CCND2: variants seen among roughly 807,000 people sequenced by gnomAD.
CCND2 encodes the protein G1/S-specific cyclin-D2.
Under a neutral mutation model 30.2 loss-of-function variants are expected in CCND2, and 6 were observed. The observed-to-expected ratio is 0.20, with a 90% CI of 0.11 to 0.39. The LOEUF (loss-of-function observed/expected upper bound fraction) is 0.39. CCND2 is among the 10% of genes least tolerant of loss of function. The pLI is 1.00. For missense variants in CCND2, 235 were observed against 373.4 expected, an observed-to-expected ratio of 0.63 and a Z score of 3.06; for synonymous variants, 150 against 153.1, an observed-to-expected ratio of 0.98 and a Z score of 0.15.
intron 4 of CCND2, among the ~76,000 whole-genome samples, chr12:4,294,539 T>G (rs552119784): frequency 2.0e-5 from 3 of 152,202 alleles, no homozygotes; most frequent in Non-Finnish European, 4.4e-5. Flanking sequence ...TTCCAGCCAC[T>G]TGGGCTCTGT....
In CCND2 at chr12:4,273,862, C is replaced by T; in HGVS notation, c.-179C>T. On this transcript the variant is annotated 5_prime_UTR_variant, in exon 1 of 5. Coordinates refer to ENST00000261254, the MANE Select transcript of CCND2 (RefSeq NM_001759.4). The surrounding 1 kb of genome is among the most constrained non-coding windows in gnomAD (Gnocchi z 5.9). ...GGCTCTGCTCGCCCACCACCCAATC[C>T]TCGCCTCCCTTCTGCTCCACCTTCT... 1 of 645,580 alleles carries T rather than the reference C, an allele frequency of 1.5e-6. No individual in the cohort carries two copies. Among genetic ancestry groups the T allele is most frequent in the Non-Finnish European group, 2.6e-6 (1 of 378,122 alleles). The allele number at this position is 645,580 out of a possible 1,614,324, so 40.0% of individuals were successfully genotyped here. A position where few individuals can be genotyped will look rare whatever the true frequency, so the allele number is the denominator to read the frequency against.
chr12:4,298,186 C>T (rs1864200543), intron 4 of CCND2, among the ~76,000 whole-genome samples: 1 of 152,180 alleles, frequency 6.6e-6, no homozygotes, highest in African/African-American at 2.4e-5. Flanking sequence ...AACTTAGGTG[C>T]CACCTGCAAG....
At chr12:4,284,810 A>T (rs1045661333) in intron 3 of CCND2, among the ~76,000 whole-genome samples, 2 of 143,396 alleles carry the variant, frequency 1.4e-5, no homozygotes, top group East Asian at 4.1e-4. Context: ...ATCTCTGCTC[A>T]CTGCAACCTC....
chr12:4,302,006 T>A lies in CCND2; in HGVS notation c.*1997T>A, dbSNP rs1173167989. 4.4e-6 allele frequency: 1 copy of A among 226,538 alleles called. No homozygotes were observed. 14.0% of individuals were successfully genotyped at this position (226,538 alleles called of 1,614,324 possible). A position where few individuals can be genotyped will look rare whatever the true frequency, so the allele number is the denominator to read the frequency against. On this transcript the variant is annotated 3_prime_UTR_variant, in exon 5 of 5. Coordinates refer to ENST00000261254, the MANE Select transcript of CCND2 (RefSeq NM_001759.4). ...GGAGTATTCTTTACCTCAGGTTTACTGGACAAAATCAATAACTACAAAAGG... is the reference window on the plus strand; with the variant it reads ...GGAGTATTCTTTACCTCAGGTTTACAGGACAAAATCAATAACTACAAAAGG...
chr12:4,283,767 C>T (rs916988487), intron 3 of CCND2, among the ~76,000 whole-genome samples: 5 of 152,182 alleles, frequency 3.3e-5, no homozygotes, highest in Admixed American at 6.5e-5. Context: ...ATCTGGGCAT[C>T]GTTCCTTGGC....
chr12:4,284,752 T>TA (rs1863999602), intron 3 of CCND2, among the ~76,000 whole-genome samples: 1 of 151,166 alleles, frequency 6.6e-6, no homozygotes. Context: ...TTCTTTTTTT[T>TA]TTTTGAGACA....
Position 4,287,090 on chromosome 12 carries a change from A to C in CCND2, c.572-1752A>C, listed in dbSNP as rs1320384708. On this transcript the variant is annotated intron_variant, in intron 3 of 4. Transcript: ENST00000261254. The surrounding 1 kb of genome is among the most constrained non-coding windows in gnomAD (Gnocchi z 4.0). ...GCTTTGTCACACTGTTCATGGCGAC[A>C]GAGAAGGCGTAGGAGGGGCGGGTGG... Among the ~76,000 whole-genome samples the C allele has an allele frequency of 6.6e-6, 1 of 152,234 alleles. No homozygotes were observed. The highest frequency in any genetic ancestry group is 1.5e-5 in the Non-Finnish European group (1 of 68,040).
Position 4,274,252 on chromosome 12 carries a change from C to T in CCND2, c.195+17C>T, listed in dbSNP as rs1381873492. The T allele has an allele frequency of 6.2e-7, 1 of 1,612,060 alleles. No homozygotes were observed. The highest frequency in any genetic ancestry group is 8.5e-7 in the Non-Finnish European group (1 of 1,178,820). On this transcript the variant is annotated intron_variant, in intron 1 of 4. Coordinates refer to ENST00000261254, the MANE Select transcript of CCND2 (RefSeq NM_001759.4). The surrounding 1 kb of genome is among the most constrained non-coding windows in gnomAD (Gnocchi z 7.7). Reference sequence around the variant, plus strand: ...ATGCTGGAGGTAGGTCGGGGGGTGGCGCTCGCCAGGAGCCAGGACCCCTCC... The same window carrying T: ...ATGCTGGAGGTAGGTCGGGGGGTGGTGCTCGCCAGGAGCCAGGACCCCTCC...
intron 4 of CCND2, among the ~76,000 whole-genome samples, chr12:4,296,223 A>G (rs3217901): frequency 0.36 from 54,669 of 152,186 alleles, 11,309 homozygotes; most frequent in East Asian, 0.53. Context: ...ACCGATGGCC[A>G]TGGAGTCCCA....
In CCND2 at chr12:4,276,552, TATTTTA is replaced by T. The variant is rs1193605171; in HGVS notation, c.411+336_411+341del. On this transcript the variant is annotated intron_variant, in intron 2 of 4. Transcript: ENST00000261254. This position sits in a 1 kb window ranked among gnomAD's most constrained non-coding sequence, Gnocchi z 4.8. ...GGAATATTTTAATTAACAGTGATAA[TATTTTA>T]ATTAAATTCCAAATTTCCAAAAATA... is the stretch of plus-strand genomic sequence containing the variant. 9.9e-5 allele frequency among the ~76,000 whole-genome samples: 15 copies of T among 152,212 alleles called. No individual in the cohort carries two copies. Among genetic ancestry groups the T allele is most frequent in the Non-Finnish European group, 1.5e-5 (1 of 68,030 alleles).
In CCND2 at chr12:4,303,043, T is replaced by C. The variant is rs1864271860; in HGVS notation, c.*3034T>C. 4.3e-6 allele frequency: 1 copy of C among 233,158 alleles called. No individual in the cohort carries two copies. Among genetic ancestry groups the C allele is most frequent in the Admixed American group, 5.6e-5 (1 of 17,796 alleles). The allele number at this position is 233,158 out of a possible 1,614,324, so 14.4% of individuals were successfully genotyped here. The stretch of plus-strand genomic sequence containing the variant: ...CTTGGAGCCTAAAGAGAAACCGAGG[T>C]GCAAATTCATTTCATGGTGACTGAC... On this transcript the variant is annotated 3_prime_UTR_variant, in exon 5 of 5. Transcript: ENST00000261254. This position sits in a 1 kb window ranked among gnomAD's most constrained non-coding sequence, Gnocchi z 4.6.
At chr12:4,289,142 A>C (rs1591648182) in intron 4 of CCND2, 152 bp downstream of exon 4, 13 of 363,900 alleles carry the variant, frequency 3.6e-5, no homozygotes, top group South Asian at 1.1e-4. Flanking sequence ...AGCAGGTGAC[A>C]CCCCCTCTTA....
At chr12:4,284,456 G>T (rs554260589) in intron 3 of CCND2, among the ~76,000 whole-genome samples, 1 of 152,342 alleles carries the variant, frequency 6.6e-6, no homozygotes, top group South Asian at 2.1e-4. Context: ...GGGAGCTGGA[G>T]CCCTAGGCCC....
At position 4,303,964 on chromosome 12, in the gene CCND2, T is replaced by C. The variant is rs1305257570; in HGVS notation, c.*3955T>C. Reference sequence around the variant, plus strand: ...CCTGACAGCATCACGCTGCATCCCATTGCTAGCAGGATTGGCAACTCTTCA... The same window carrying C: ...CCTGACAGCATCACGCTGCATCCCACTGCTAGCAGGATTGGCAACTCTTCA... On this transcript the variant is annotated 3_prime_UTR_variant, in exon 5 of 5. Coordinates refer to ENST00000261254, the MANE Select transcript of CCND2 (RefSeq NM_001759.4). This position sits in a 1 kb window ranked among gnomAD's most constrained non-coding sequence, Gnocchi z 4.6. 4.3e-6 allele frequency: 1 copy of C among 233,130 alleles called. No homozygotes were observed. The highest frequency in any genetic ancestry group is 8.5e-6 in the Non-Finnish European group (1 of 118,048). The allele number at this position is 233,130 out of a possible 1,614,324, so 14.4% of individuals were successfully genotyped here. A position where few individuals can be genotyped will look rare whatever the true frequency, so the allele number is the denominator to read the frequency against.
chr12:4,279,711 T>C (rs375799911), intron 3 of CCND2, among the ~76,000 whole-genome samples: 3 of 149,698 alleles, frequency 2.0e-5, no homozygotes, highest in Admixed American at 6.6e-5. Context: ...GGCCAGTGTC[T>C]ACTGGTTTTT....
chr12:4,289,743 G>GACA (rs1418583264), intron 4 of CCND2, among the ~76,000 whole-genome samples: 2 of 152,182 alleles, frequency 1.3e-5, no homozygotes, highest in African/African-American at 4.8e-5. Context: ...GCCCGTCCGA[G>GACA]ACAGGATGGT....
intron 4 of CCND2, among the ~76,000 whole-genome samples, chr12:4,294,737 G>T (rs1429981668): frequency 6.6e-6 from 1 of 152,176 alleles, no homozygotes; most frequent in Non-Finnish European, 1.5e-5. Flanking sequence ...GGGAAACGAG[G>T]GCATTTGGCT....
Position 4,278,813 on chromosome 12 carries a change from T to C in CCND2, c.465T>C (p.Thr155=), listed in dbSNP as rs777953805. 6.2e-7 allele frequency: 1 copy of C among 1,614,232 alleles called. No homozygotes were observed. Residue 155 remains threonine (T), a synonymous_variant, in exon 3 of 5, where the codon ACT becomes ACC. Coordinates refer to ENST00000261254, the MANE Select transcript of CCND2 (RefSeq NM_001759.4). ...TGAAGTGGAACCTGGCAGCTGTCACTCCTCATGACTTCATTGAGCACATCT... is the reference window on the plus strand; with the variant it reads ...TGAAGTGGAACCTGGCAGCTGTCACCCCTCATGACTTCATTGAGCACATCT... ...GKLKWNLAAV[T]PHDFIEHILR...
chr12:4,285,807 G>C lies in CCND2; in HGVS notation c.572-3035G>C, dbSNP rs892754527. On this transcript the variant is annotated intron_variant, in intron 3 of 4. Transcript: ENST00000261254. This position sits in a 1 kb window ranked among gnomAD's most constrained non-coding sequence, Gnocchi z 4.1. ...GTTTGATTTTTTTGTTTTTCTCTCT[G>C]TTCAGTATCCCCTACCAGTAGAGAG... Among the ~76,000 whole-genome samples the C allele has an allele frequency of 6.6e-6, 1 of 152,176 alleles. No individual in the cohort carries two copies. The highest frequency in any genetic ancestry group is 2.4e-5 in the African/African-American group (1 of 41,432).
Sources: allele counts gnomAD v4.1 joint callset (sites outside exome capture counted in the v4.1 genomes callset), GRCh38; gene constraint gnomAD v4.1.1; non-coding constraint Gnocchi (gnomAD v3.1); transcripts MANE v1.5; gene names NCBI Gene and HGNC (gene_info 2026-07-23, HGNC 2026-07-21).